The following PTGER3 variants were observed in gnomAD, a reference collection of about 807,000 sequenced individuals.
PTGER3 encodes prostaglandin E2 receptor EP3 subtype.
A neutral mutation model predicts 34.7 loss-of-function variants in PTGER3; 22 were observed. The observed-to-expected ratio is 0.63, with a 90% CI of 0.45 to 0.91. The LOEUF is 0.91. Among genes scored for constraint, PTGER3 ranks in the 40% least tolerant of loss-of-function variants. PTGER3 has a pLI of 0.00. For synonymous variants in PTGER3, 241 were observed against 230.1 expected, an observed-to-expected ratio of 1.05 and a Z score of -0.43; for missense variants, 468 against 519.4, an observed-to-expected ratio of 0.90 and a Z score of 0.96.
chr1:70,981,624 G>T (rs945787340), intron 2 of PTGER3, among the ~76,000 whole-genome samples: 2 of 151,674 alleles, frequency 1.3e-5, no homozygotes, highest in Non-Finnish European at 2.9e-5. Flanking sequence ...GTTTAGGCTG[G>T]TCTCTAACTC....
chr1:70,884,340 A>G (rs1316390361), intron 4 of PTGER3, among the ~76,000 whole-genome samples: 1 of 152,196 alleles, frequency 6.6e-6, no homozygotes, highest in African/African-American at 2.4e-5. Context: ...ATCATGGGTA[A>G]TAACTCCCAT....
chr1:70,980,646 A>T (rs572796206), intron 2 of PTGER3, among the ~76,000 whole-genome samples: 299 of 152,172 alleles, frequency 2.0e-3, no homozygotes, highest in African/African-American at 6.6e-3. Flanking sequence ...TTAAATTTTT[A>T]AAAAAGGGGT....
rs189737258 is a variant in PTGER3 at position 70,908,274 on chromosome 1, G to A, written c.*23+45489C>T. ...GAATGATTTTTTGGTCAATTTTTCT[G>A]CTCTTTTAAAATCATCTACACAATC... On this transcript the variant is annotated intron_variant, in intron 4 of 4. Coordinates refer to the PTGER3 transcript ENST00000370931. 3.3e-5 allele frequency among the ~76,000 whole-genome samples: 5 copies of A among 152,064 alleles called. No individual in the cohort carries two copies. In the South Asian group the frequency reaches 1.0e-3, roughly 32 times the overall value.
chr1:70,908,427 C>T lies in PTGER3; in HGVS notation c.*23+45336G>A, dbSNP rs983685519. ...GAGGCGGTGTACTGATACCTCAGCT[C>T]CTTCTCCCCTGGAGCAGGATAACTC... On this transcript the variant is annotated intron_variant, in intron 4 of 4. Coordinates refer to the PTGER3 transcript ENST00000370931. Among the ~76,000 whole-genome samples, 21 of 152,282 alleles carry T rather than the reference C, an allele frequency of 1.4e-4. No homozygotes were observed. The East Asian group carries it at 3.9e-3, about 28-fold the overall frequency.
At chr1:70,883,778 C>T (rs772769100) in intron 4 of PTGER3, among the ~76,000 whole-genome samples, 2 of 152,156 alleles carry the variant, frequency 1.3e-5, no homozygotes, top group Admixed American at 6.5e-5. Flanking sequence ...ACGATCAGAA[C>T]ATGGCCAGGC....
intron 4 of PTGER3, among the ~76,000 whole-genome samples, chr1:70,901,641 G>A (rs1197999060): frequency 1.3e-5 from 2 of 152,108 alleles, no homozygotes; most frequent in African/African-American, 4.8e-5. Flanking sequence ...ACAGTTTAAG[G>A]AATATGTGAG....
intron 4 of PTGER3, among the ~76,000 whole-genome samples, chr1:70,920,831 A>G (rs961285103): frequency 3.9e-5 from 6 of 151,982 alleles, no homozygotes; most frequent in Non-Finnish European, 5.9e-5. Context: ...TAAATGAAGA[A>G]GGGCAAGAAG....
chr1:70,944,612 T>C (rs1367280122), intron 4 of PTGER3, among the ~76,000 whole-genome samples: 3 of 152,094 alleles, frequency 2.0e-5, no homozygotes, highest in African/African-American at 7.2e-5. Context: ...TAGCATATCT[T>C]TATATGTCTT....
rs1217762649 is a variant in PTGER3 at position 70,971,396 on chromosome 1, T to G, written c.*334A>C. ...GTAAAGATGTCCACTTTGGTTAAGA[T>G]TCACGTAAAGGTTTGAAGTTGGAGA... On this transcript the variant is annotated 3_prime_UTR_variant, in exon 4 of 4. Transcript: ENST00000306666. 5 of 1,049,464 alleles carry G rather than the reference T, an allele frequency of 4.8e-6. No individual in the cohort carries two copies. The highest frequency in any genetic ancestry group is 7.1e-5 in the East Asian group (1 of 14,036). The allele number at this position is 1,049,464 out of a possible 1,614,324, so 65.0% of individuals were successfully genotyped here.
rs1660900627 is a variant in PTGER3 at position 71,047,050 on chromosome 1, A to G, written c.528T>C (p.Ala176=). 23 of 1,611,874 alleles carry G rather than the reference A, an allele frequency of 1.4e-5. No individual in the cohort carries two copies. The highest frequency in any genetic ancestry group is 2.0e-5 in the Non-Finnish European group (23 of 1,179,404). Reference sequence around the variant, plus strand: ...CGGCCAGCCACACGCCGAGCAGCACAGCGCGGGTGGCACGCGTCTTCATGT... The same window carrying G: ...CGGCCAGCCACACGCCGAGCAGCACGGCGCGGGTGGCACGCGTCTTCATGT... ...ASHMKTRATR[A]VLLGVWLAVL... The change falls in exon 1 of 4, where the codon GCT becomes GCC. Residue 176 remains alanine (A), a synonymous_variant. Coordinates refer to ENST00000306666, the MANE Select transcript of PTGER3 (RefSeq NM_198719.2).
intron 2 of PTGER3, among the ~76,000 whole-genome samples, chr1:70,962,202 C>G (rs143393358): frequency 6.6e-6 from 1 of 152,182 alleles, no homozygotes; most frequent in African/African-American, 2.4e-5. Context: ...TCCTCTAAGA[C>G]GACTCTATTC....
intron 4 of PTGER3, among the ~76,000 whole-genome samples, chr1:70,906,101 C>G (rs1478741974): frequency 6.6e-6 from 1 of 152,208 alleles, no homozygotes; most frequent in East Asian, 1.9e-4. Flanking sequence ...TGTAAGATGT[C>G]ACTTGCTCCT....
chr1:71,036,364 AG>A (rs1659822500), intron 1 of PTGER3, among the ~76,000 whole-genome samples: 1 of 152,092 alleles, frequency 6.6e-6, no homozygotes, highest in African/African-American at 2.4e-5. Flanking sequence ...ACTTAGAGAA[AG>A]GGAAAAACTG....
chr1:70,880,887 G>A (rs1269554382), intron 4 of PTGER3, among the ~76,000 whole-genome samples: 1 of 138,458 alleles, frequency 7.2e-6, no homozygotes, highest in Non-Finnish European at 1.5e-5. Context: ...GTGTCTTGGG[G>A]ATGGTTGTCT....
At chr1:70,895,457 G>A (rs1341124276) in intron 4 of PTGER3, among the ~76,000 whole-genome samples, 1 of 152,022 alleles carries the variant, frequency 6.6e-6, no homozygotes, top group African/African-American at 2.4e-5. Flanking sequence ...TACTTTTCAT[G>A]GTATACAACT....
chr1:70,954,840 C>A (rs566695882), intron 2 of PTGER3, among the ~76,000 whole-genome samples: 2 of 132,214 alleles, frequency 1.5e-5, no homozygotes, highest in African/African-American at 2.5e-5. Context: ...AACACATGAC[C>A]GTTAAAAAAA....
At chr1:70,981,411 C>T (rs1302532734) in intron 2 of PTGER3, among the ~76,000 whole-genome samples, 1 of 118,462 alleles carries the variant, frequency 8.4e-6, no homozygotes, top group Admixed American at 1.0e-4. Context: ...TTCCTTCCTT[C>T]CTTCCTTCTT....
chr1:70,973,670 AC>A (rs1485484117), intron 3 of PTGER3, among the ~76,000 whole-genome samples: 2 of 152,176 alleles, frequency 1.3e-5, no homozygotes, highest in African/African-American at 4.8e-5. Context: ...GAAAAAATAA[AC>A]CTTTTCACAG....
chr1:70,949,847 A>G (rs1180327866), downstream of PTGER3, among the ~76,000 whole-genome samples: 1 of 152,198 alleles, frequency 6.6e-6, no homozygotes, highest in East Asian at 1.9e-4. Flanking sequence ...AATGTAAGGC[A>G]GTGGATAGTG....
Sources: allele counts gnomAD v4.1 joint callset (sites outside exome capture counted in the v4.1 genomes callset), GRCh38; gene constraint gnomAD v4.1.1; transcripts MANE v1.5; gene names NCBI Gene and HGNC (gene_info 2026-07-23, HGNC 2026-07-21).